Variants in LIPM observed in about 807,000 individuals in gnomAD.
LIPM encodes lipase family member M, also known as lipase member M.
A neutral mutation model predicts 42.4 loss-of-function variants in LIPM; 42 were observed. The ratio of observed to expected loss-of-function variants is 0.99; its 90% CI spans 0.77 to 1.28. The LOEUF is 1.28. Among genes scored for constraint, LIPM ranks in the 50% most tolerant of loss-of-function variants. The probability of loss-of-function intolerance (pLI) is 0.00; values close to 1 mark genes in which losing one functional copy is unlikely to be tolerated. For missense variants in LIPM, 524 were observed against 520.1 expected (o/e 1.01, Z -0.07); for synonymous variants, 177 against 173.3 (o/e 1.02, Z -0.17).
intron 3 of LIPM, among the ~76,000 whole-genome samples, chr10:88,813,750 C>A (rs1843683061): frequency 6.6e-6 from 1 of 152,138 alleles, no homozygotes; most frequent in South Asian, 2.1e-4. Flanking sequence ...AATTTACTCA[C>A]AGTTCAGCGG....
At chr10:88,815,031 AT>A in intron 4 of LIPM, 56 bp from the exon 5 acceptor site, 2 of 1,462,770 alleles carry the variant, frequency 1.4e-6, no homozygotes, top group South Asian at 2.7e-5. Flanking sequence ...CAAAATATAC[AT>A]TTTATGAGTT....
At chr10:88,815,570 G>A (rs905753283) in intron 6 of LIPM, 67 bp downstream of exon 6, 31 of 1,376,710 alleles carry the variant, frequency 2.3e-5, no homozygotes, top group Non-Finnish European at 3.1e-5. Context: ...GCTCACCCCT[G>A]GAGGGAGAGC....
chr10:88,816,392 T>C (rs1369152986), intron 6 of LIPM, among the ~76,000 whole-genome samples: 1 of 152,214 alleles, frequency 6.6e-6, no homozygotes, highest in Non-Finnish European at 1.5e-5. Context: ...TGTATCAGGC[T>C]AATTTATTAC....
At chr10:88,806,416 C>A (rs1446667878) in intron 1 of LIPM, among the ~76,000 whole-genome samples, 1 of 152,174 alleles carries the variant, frequency 6.6e-6, no homozygotes, top group African/African-American at 2.4e-5. Flanking sequence ...CCTCATCTGA[C>A]ACATTACACA....
chr10:88,812,019 C>A (rs1174468085), intron 2 of LIPM, among the ~76,000 whole-genome samples: 1 of 152,202 alleles, frequency 6.6e-6, no homozygotes, highest in Non-Finnish European at 1.5e-5. Context: ...AATCCAGGAT[C>A]ATTTACTATA....
At chr10:88,803,248 C>A (rs1843549258) in intron 1 of LIPM, among the ~76,000 whole-genome samples, 1 of 152,154 alleles carries the variant, frequency 6.6e-6, no homozygotes, top group Non-Finnish European at 1.5e-5. Flanking sequence ...TAAACTTGGG[C>A]AAATGACTTA....
chr10:88,819,517 C>T (rs989988534), intron 8 of LIPM, among the ~76,000 whole-genome samples: 1 of 152,178 alleles, frequency 6.6e-6, no homozygotes, highest in African/African-American at 2.4e-5. Flanking sequence ...ATGGGCCTTA[C>T]CACTTCTGAG....
rs3899739 is a variant in LIPM at position 88,808,425 on chromosome 10, A to G, written c.265+10A>G. On this transcript the variant is annotated intron_variant, in intron 2 of 8. Coordinates refer to ENST00000404743, the MANE Select transcript of LIPM (RefSeq NM_001128215.1). ...CAACCTAAGAAGACAGGTGTGGGTC[A>G]CCCCATGTCACCGCAACACAGCAGT... 438,231 of 1,435,788 alleles carry G rather than the reference A, an allele frequency of 0.31. 66,831 individuals are homozygous for G. Among genetic ancestry groups the G allele is most frequent in the Middle Eastern group, 0.39 (2,273 of 5,800 alleles). The allele number at this position is 1,435,788 out of a possible 1,614,324, so 88.9% of individuals were successfully genotyped here.
rs2133057150 is a variant in LIPM at position 88,813,223 on chromosome 10, A to G, written c.392A>G (p.Asn131Ser). 1 of 1,613,712 alleles carries G rather than the reference A, an allele frequency of 6.2e-7. No homozygotes were observed. The highest frequency in any genetic ancestry group is 8.5e-7 in the Non-Finnish European group (1 of 1,179,800). The change falls in exon 3 of 9, where the codon AAC becomes AGC. Residue 131 changes from asparagine to serine, a missense_variant. Transcript: ENST00000404743. The stretch of plus-strand genomic sequence containing the variant: ...GCTGGTTTTGACGTGTGGATGGGGA[A>G]CAGCAGGGGAAACGCCTGGTCTCGA... The part of the protein sequence containing the change: ...ADAGFDVWMG[N>S]SRGNAWSRKH...
intron 8 of LIPM, among the ~76,000 whole-genome samples, chr10:88,818,252 G>C (rs1370296170): frequency 6.6e-6 from 1 of 152,184 alleles, no homozygotes; most frequent in Non-Finnish European, 1.5e-5. Context: ...CAGTAAGTTT[G>C]TTTCATGGCA....
At chr10:88,818,435 C>A (rs1205568319) in intron 8 of LIPM, among the ~76,000 whole-genome samples, 2 of 152,154 alleles carry the variant, frequency 1.3e-5, no homozygotes, top group Non-Finnish European at 2.9e-5. Flanking sequence ...CCTAGTTATA[C>A]TTTAAATGAA....
chr10:88,810,618 A>G (rs994666362), intron 2 of LIPM, among the ~76,000 whole-genome samples: 1 of 152,172 alleles, frequency 6.6e-6, no homozygotes, highest in East Asian at 1.9e-4. Flanking sequence ...CGGCCTTTTT[A>G]TCTTTATCAA....
intron 6 of LIPM, among the ~76,000 whole-genome samples, chr10:88,815,976 T>G (rs974906453): frequency 5.9e-5 from 9 of 152,110 alleles, no homozygotes; most frequent in African/African-American, 2.2e-4. Context: ...GAACAATGAT[T>G]TGGGTCCTGC....
intron 1 of LIPM, among the ~76,000 whole-genome samples, chr10:88,807,320 G>A (rs1422236817): frequency 6.6e-6 from 1 of 152,190 alleles, no homozygotes; most frequent in Non-Finnish European, 1.5e-5. Context: ...AACTCAAACA[G>A]TGGGACCCAG....
At chr10:88,818,875 G>A (rs1489031984) in intron 8 of LIPM, among the ~76,000 whole-genome samples, 1 of 152,012 alleles carries the variant, frequency 6.6e-6, no homozygotes, top group African/African-American at 2.4e-5. Context: ...TCTGTTCAAA[G>A]ATGTTTTTTT....
intron 1 of LIPM, among the ~76,000 whole-genome samples, chr10:88,803,977 T>G (rs1463552722): frequency 6.6e-6 from 1 of 152,192 alleles, no homozygotes; most frequent in Admixed American, 6.5e-5. Flanking sequence ...TCATGTGCAA[T>G]GTTCATGTTC....
intron 8 of LIPM, among the ~76,000 whole-genome samples, chr10:88,819,673 G>C (rs893632194): frequency 8.5e-5 from 13 of 152,196 alleles, no homozygotes; most frequent in African/African-American, 3.1e-4. Context: ...GATTGGAGCA[G>C]GTATTTAACT....
intron 2 of LIPM, among the ~76,000 whole-genome samples, chr10:88,810,901 C>T (rs1843647028): frequency 6.6e-6 from 1 of 152,178 alleles, no homozygotes; most frequent in Non-Finnish European, 1.5e-5. Context: ...TTTGATTGTC[C>T]TGTGTTAACA....
At position 88,803,035 on chromosome 10, in the gene LIPM, A is replaced by G. The variant is rs1293135124; in HGVS notation, c.139A>G (p.Met47Val). 6.4e-7 allele frequency: 1 copy of G among 1,550,598 alleles called. No homozygotes were observed. Among genetic ancestry groups the G allele is most frequent in the Non-Finnish European group, 8.7e-7 (1 of 1,146,510 alleles). Residue 47 changes from methionine (M) to valine (V), a missense_variant, in exon 1 of 9, where the codon ATG (methionine) becomes GTG (valine). Physicochemically the swap from Met to Val is conservative, Grantham distance 21 (BLOSUM62 1). Coordinates refer to ENST00000404743, the MANE Select transcript of LIPM (RefSeq NM_001128215.1). ...TAAAGCTGTGGACCCAGAAGCATTC[A>G]TGAATATTGTAAGTTGGGATTTCTG... is the stretch of plus-strand genomic sequence containing the variant. ...PTKAVDPEAFMNISEIIQHQG... is the reference protein window; with the variant it reads ...PTKAVDPEAFVNISEIIQHQG...
Sources: allele counts gnomAD v4.1 joint callset (sites outside exome capture counted in the v4.1 genomes callset), GRCh38; gene constraint gnomAD v4.1.1; transcripts MANE v1.5; gene names NCBI Gene and HGNC (gene_info 2026-07-23, HGNC 2026-07-21).